The following NMU variants were observed in gnomAD, a reference collection of about 807,000 sequenced individuals.
NMU encodes neuromedin-U.
Under a neutral mutation model 35.4 loss-of-function variants are expected in NMU, and 29 were observed. That is an observed-to-expected ratio of 0.82 (90% CI 0.61 to 1.12). The LOEUF (loss-of-function observed/expected upper bound fraction) is 1.12, where lower values mean the gene tolerates loss of function less well. Ranked by LOEUF, NMU falls within the 50% of genes most tolerant of loss-of-function variation. The pLI, the probability that NMU is intolerant of heterozygous loss-of-function variation, is 0.00. For synonymous variants in NMU, 78 were observed against 81.3 expected (o/e 0.96, Z 0.22); for missense variants, 199 against 206.2 (o/e 0.97, Z 0.21).
intron 7 of NMU, among the ~76,000 whole-genome samples, chr4:55,604,157 C>T (rs1189415280): frequency 1.3e-5 from 2 of 149,834 alleles, no homozygotes; most frequent in East Asian, 4.0e-4. Flanking sequence ...CCTCTGCCTC[C>T]CCGGTTCAAG....
chr4:55,617,849 T>C (rs1734170353), intron 2 of NMU, among the ~76,000 whole-genome samples: 1 of 152,180 alleles, frequency 6.6e-6, no homozygotes, highest in Non-Finnish European at 1.5e-5. Context: ...CTATGTGAGG[T>C]GGTCCATGTT....
At chr4:55,612,850 G>A (rs974384615) in intron 3 of NMU, among the ~76,000 whole-genome samples, 1 of 152,110 alleles carries the variant, frequency 6.6e-6, no homozygotes, top group Non-Finnish European at 1.5e-5. Context: ...TGGTAAAAAT[G>A]TTTCAAAGCA....
chr4:55,609,236 GA>G, intron 3 of NMU, 57 bp from the exon 4 acceptor site: 1 of 1,344,516 alleles, frequency 7.4e-7, no homozygotes, highest in South Asian at 1.2e-5. Context: ...CATTTACATA[GA>G]AGAGGTAACT....
intron 1 of NMU, among the ~76,000 whole-genome samples, chr4:55,634,204 C>G (rs968835742): frequency 6.6e-6 from 1 of 151,788 alleles, no homozygotes; most frequent in African/African-American, 2.4e-5. Context: ...ACGCCCCCCT[C>G]GGTGCCATCT....
intron 2 of NMU, among the ~76,000 whole-genome samples, chr4:55,618,767 TTTC>T (rs1018443803): frequency 1.3e-5 from 2 of 150,798 alleles, no homozygotes; most frequent in Non-Finnish European, 3.0e-5. Context: ...CTTCTCTCTC[TTTC>T]TTCTCTTTCT....
intron 1 of NMU, among the ~76,000 whole-genome samples, chr4:55,634,205 G>A (rs73817218): frequency 0.025 from 3,731 of 151,794 alleles, 150 homozygotes; most frequent in African/African-American, 0.084. Context: ...CGCCCCCCTC[G>A]GTGCCATCTT....
At position 55,607,876 on chromosome 4, in the gene NMU, T is replaced by G. The variant is rs531858044; in HGVS notation, c.280-410A>C. 2.0e-5 allele frequency among the ~76,000 whole-genome samples: 3 copies of G among 152,220 alleles called. No homozygotes were observed. In the South Asian group the frequency reaches 6.2e-4, roughly 32 times the overall value. On this transcript the variant is annotated intron_variant, in intron 4 of 9. Transcript: ENST00000264218. ...TATGAGTTGGTTTTGATGTCTTCCA[T>G]AAAAAAATTTTTAGCCGGGCGCGGT...
chr4:55,616,406 A>T, intron 2 of NMU, 21 bp from the exon 3 acceptor site: 1 of 1,590,868 alleles, frequency 6.3e-7, no homozygotes, highest in Non-Finnish European at 8.6e-7. Flanking sequence ...CAAAAATGTC[A>T]GTTACATCCT....
chr4:55,606,041 T>C (rs1733670930), intron 6 of NMU, among the ~76,000 whole-genome samples: 1 of 152,358 alleles, frequency 6.6e-6, no homozygotes, highest in South Asian at 2.1e-4. Context: ...ATTTATCACA[T>C]GGATTATGTT....
intron 7 of NMU, among the ~76,000 whole-genome samples, chr4:55,601,920 C>T: frequency 6.6e-6 from 1 of 151,928 alleles, no homozygotes; most frequent in Non-Finnish European, 1.5e-5. Flanking sequence ...TTGCCTGAGC[C>T]CAGGAGGTCA....
intron 1 of NMU, among the ~76,000 whole-genome samples, chr4:55,632,313 C>T (rs1163794854): frequency 6.6e-6 from 1 of 152,134 alleles, no homozygotes; most frequent in African/African-American, 2.4e-5. Context: ...TTAGGCAACT[C>T]TTGCCTTGAA....
intron 1 of NMU, among the ~76,000 whole-genome samples, chr4:55,633,467 T>C (rs62308711): frequency 0.25 from 37,773 of 152,080 alleles, 5,642 homozygotes; most frequent in South Asian, 0.39. Context: ...CTTCATACTG[T>C]CAAAGAGCAA....
chr4:55,617,635 G>A (rs150791222), intron 2 of NMU, among the ~76,000 whole-genome samples: 10 of 152,240 alleles, frequency 6.6e-5, no homozygotes, highest in Admixed American at 6.5e-4. Context: ...GGGGAAAAAA[G>A]TGAATTGAGA....
intron 3 of NMU, among the ~76,000 whole-genome samples, chr4:55,610,165 A>C (rs1314385417): frequency 1.3e-5 from 2 of 152,156 alleles, no homozygotes; most frequent in African/African-American, 4.8e-5. Context: ...TTAATTTAGA[A>C]GTTAAATGAA....
intron 6 of NMU, among the ~76,000 whole-genome samples, chr4:55,606,877 C>T (rs1231958782): frequency 6.6e-6 from 1 of 151,970 alleles, no homozygotes; most frequent in Non-Finnish European, 1.5e-5. Context: ...AGGGTTTCAC[C>T]ATGTTGGCCA....
intron 3 of NMU, among the ~76,000 whole-genome samples, chr4:55,611,311 C>G (rs1733920937): frequency 6.6e-6 from 1 of 151,986 alleles, no homozygotes; most frequent in African/African-American, 2.4e-5. Context: ...TGCAGTGAGC[C>G]ATGATTATGC....
Position 55,636,033 on chromosome 4 carries a change from A to G in NMU, c.112+48T>C. On this transcript the variant is annotated intron_variant, in intron 1 of 9. Coordinates refer to ENST00000264218, the MANE Select transcript of NMU (RefSeq NM_006681.4). This position sits in a 1 kb window ranked among gnomAD's most constrained non-coding sequence, Gnocchi z 4.0. ...GGAGGAGAGCGGTGAGTGGAGCCAG[A>G]GAGAGGCGCGCATGGCGTGGAAGCG... 6.5e-7 allele frequency: 1 copy of G among 1,532,826 alleles called. No individual in the cohort carries two copies. The highest frequency in any genetic ancestry group is 8.7e-7 in the Non-Finnish European group (1 of 1,146,184). The allele number at this position is 1,532,826 out of a possible 1,614,324, so 95.0% of individuals were successfully genotyped here. A position where few individuals can be genotyped will look rare whatever the true frequency, so the allele number is the denominator to read the frequency against.
At chr4:55,626,313 T>C (rs1734528124) in intron 2 of NMU, among the ~76,000 whole-genome samples, 1 of 152,252 alleles carries the variant, frequency 6.6e-6, no homozygotes, top group Admixed American at 6.5e-5. Flanking sequence ...CCTTTGACTA[T>C]TTTTATTTTG....
At chr4:55,596,305 A>T (rs895774957) in intron 9 of NMU, among the ~76,000 whole-genome samples, 2 of 151,434 alleles carry the variant, frequency 1.3e-5, no homozygotes, top group Non-Finnish European at 2.9e-5. Flanking sequence ...ACATTAGTTT[A>T]TGGACACCCT....
Sources: allele counts gnomAD v4.1 joint callset (sites outside exome capture counted in the v4.1 genomes callset), GRCh38; gene constraint gnomAD v4.1.1; non-coding constraint Gnocchi (gnomAD v3.1); transcripts MANE v1.5; gene names NCBI Gene and HGNC (gene_info 2026-07-23, HGNC 2026-07-21).